Variants in TMC5 observed in about 807,000 individuals in gnomAD.
TMC5 encodes transmembrane channel like 5.
TMC5 carries 86 observed loss-of-function variants against 110.5 expected under a neutral mutation model. The observed-to-expected ratio is 0.78, with a 90% confidence interval of 0.65 to 0.93. The LOEUF (loss-of-function observed/expected upper bound fraction) is 0.93, where lower values mean the gene tolerates loss of function less well. TMC5 is among the 40% of genes least tolerant of loss of function. The probability of loss-of-function intolerance (pLI) is 0.00; values close to 1 mark genes in which losing one functional copy is unlikely to be tolerated. For synonymous variants in TMC5, 455 were observed against 439.5 expected, an observed-to-expected ratio of 1.04 and a Z score of -0.44; for missense variants, 1,144 against 1,222.8, an observed-to-expected ratio of 0.94 and a Z score of 0.96.
intron 10 of TMC5, among the ~76,000 whole-genome samples, chr16:19,470,413 C>T (rs1399022193): frequency 6.6e-6 from 1 of 152,020 alleles, no homozygotes; most frequent in Non-Finnish European, 1.5e-5. Flanking sequence ...TCTCAAACTC[C>T]TAGCCTCAAG....
At chr16:19,412,374 CT>C (rs972592290) in intron 1 of TMC5, among the ~76,000 whole-genome samples, 47 of 128,250 alleles carry the variant, frequency 3.7e-4, no homozygotes, top group Middle Eastern at 6.4e-3. Context: ...GCCCGACTTT[CT>C]TTTTTTTTTT....
intron 6 of TMC5, among the ~76,000 whole-genome samples, chr16:19,461,893 C>G (rs1431997332): frequency 1.3e-5 from 2 of 152,024 alleles, no homozygotes; most frequent in Non-Finnish European, 2.9e-5. Flanking sequence ...TAAATCAGGC[C>G]AAGTCAAAAT....
intron 1 of TMC5, among the ~76,000 whole-genome samples, chr16:19,426,398 A>C (rs762488658): frequency 6.6e-6 from 1 of 152,134 alleles, no homozygotes; most frequent in Non-Finnish European, 1.5e-5. Context: ...GGAGCATTAA[A>C]CTTTATCATT....
At chr16:19,445,286 C>T (rs1967589459) in intron 4 of TMC5, among the ~76,000 whole-genome samples, 1 of 151,054 alleles carries the variant, frequency 6.6e-6, no homozygotes, top group Non-Finnish European at 1.5e-5. Flanking sequence ...AAGACAGTGT[C>T]CTGCTCTGTC....
At position 19,456,854 on chromosome 16, in the gene TMC5, A is replaced by G. The variant is rs150425212; in HGVS notation, c.1049-3381A>G. ...CAACATGGTTTTGTCAATATCTGACATTGATGTGATAGACTCTCAGACAGT... is the reference window on the plus strand; with the variant it reads ...CAACATGGTTTTGTCAATATCTGACGTTGATGTGATAGACTCTCAGACAGT... On this transcript the variant is annotated intron_variant, in intron 5 of 21. Transcript: ENST00000542583. 49 of 1,614,210 alleles carry G rather than the reference A, an allele frequency of 3.0e-5. No individual in the cohort carries two copies. In the African/African-American group the frequency reaches 6.5e-4, roughly 22 times the overall value.
At chr16:19,450,027 C>A (rs972747232) in intron 5 of TMC5, among the ~76,000 whole-genome samples, 1 of 152,180 alleles carries the variant, frequency 6.6e-6, no homozygotes, top group Admixed American at 6.5e-5. Context: ...AGGACAGTGA[C>A]CAAAAAGTCA....
At chr16:19,427,310 G>A (rs8045527) in intron 1 of TMC5, among the ~76,000 whole-genome samples, 3,785 of 152,120 alleles carry the variant, frequency 0.025, 144 homozygotes, top group African/African-American at 0.085. Context: ...TTAATAGTTG[G>A]GCACAGTAGC....
rs927735620 is a variant in TMC5, at chr16:19,497,904, C to G, written c.2975-16C>G. The G allele has an allele frequency of 1.4e-5, 22 of 1,613,394 alleles. No individual in the cohort carries two copies. Among genetic ancestry groups the G allele is most frequent in the Admixed American group, 5.0e-5 (3 of 59,898 alleles). Reference sequence around the variant, plus strand: ...AGTGTGCCTGCGTTAACTTCTCTTTCCTGTGTCAAACCTAGACTTGCGATC... The same window carrying G: ...AGTGTGCCTGCGTTAACTTCTCTTTGCTGTGTCAAACCTAGACTTGCGATC... On this transcript the variant is annotated splice_polypyrimidine_tract_variant and intron_variant, in intron 21 of 21. Transcript: ENST00000542583.
At chr16:19,426,532 T>C (rs533179102) in intron 1 of TMC5, among the ~76,000 whole-genome samples, 1 of 152,224 alleles carries the variant, frequency 6.6e-6, no homozygotes, top group Admixed American at 6.5e-5. Flanking sequence ...AGGAGCCCAC[T>C]CCTAGTAGAT....
In TMC5 at chr16:19,490,334, T is replaced by C. The variant is rs1184636819; in HGVS notation, c.2574-61T>C. ...CCAGAGCCCAGAAGGGACACCCTGATTCTAGAATAACCATCCCTGAGTCTT... is the reference window on the plus strand; with the variant it reads ...CCAGAGCCCAGAAGGGACACCCTGACTCTAGAATAACCATCCCTGAGTCTT... On this transcript the variant is annotated intron_variant, in intron 17 of 21. Transcript: ENST00000542583. The C allele has an allele frequency of 5.1e-6, 8 of 1,554,856 alleles. No homozygotes were observed. The African/African-American group carries it at 1.1e-4, about 21-fold the overall frequency.
At chr16:19,460,142 C>T in intron 5 of TMC5, 93 bp from the exon 6 acceptor site, 1 of 873,894 alleles carries the variant, frequency 1.1e-6, no homozygotes, top group Middle Eastern at 2.3e-4. Flanking sequence ...AACTTCTTCC[C>T]TTGTGTTACG....
At chr16:19,441,287 CTTTG>C (rs998406027) in intron 3 of TMC5, among the ~76,000 whole-genome samples, 12 of 132,282 alleles carry the variant, frequency 9.1e-5, no homozygotes, top group African/African-American at 4.1e-4. Context: ...TGCACCACTT[CTTTG>C]TTTTTTTTTT....
At chr16:19,431,239 G>T (rs1032221904) in intron 2 of TMC5, among the ~76,000 whole-genome samples, 1 of 152,006 alleles carries the variant, frequency 6.6e-6, no homozygotes, top group African/African-American at 2.4e-5. Context: ...AGTTCACCCC[G>T]TTAGAAGATA....
chr16:19,427,350 G>A (rs1371199525), intron 1 of TMC5, among the ~76,000 whole-genome samples: 1 of 152,156 alleles, frequency 6.6e-6, no homozygotes, highest in Non-Finnish European at 1.5e-5. Flanking sequence ...TACTCAAGAG[G>A]CTGAGACGCA....
At chr16:19,431,332 G>A (rs1164403099) in intron 2 of TMC5, among the ~76,000 whole-genome samples, 1 of 152,012 alleles carries the variant, frequency 6.6e-6, no homozygotes, top group African/African-American at 2.4e-5. Context: ...CCTGAGGTCA[G>A]GACTTCGGTA....
chr16:19,439,822 A>G (rs1169895266), intron 2 of TMC5, 138 bp from the exon 3 acceptor site: 5 of 532,008 alleles, frequency 9.4e-6, no homozygotes, highest in Non-Finnish European at 1.7e-5. Context: ...AAGAGAATCT[A>G]GAAACATAGT....
At chr16:19,442,459 G>C (rs1967511579) in intron 3 of TMC5, among the ~76,000 whole-genome samples, 1 of 151,808 alleles carries the variant, frequency 6.6e-6, no homozygotes, top group African/African-American at 2.4e-5. Context: ...CTCCCAAGTA[G>C]CTGGGATTAC....
At chr16:19,465,095 TCCTTCCTTCCTTCCTTCCTCCCTCCCTC>T (rs879362155) in intron 8 of TMC5, among the ~76,000 whole-genome samples, 2,710 of 101,474 alleles carry the variant, frequency 0.027, 65 homozygotes, top group Non-Finnish European at 0.034. Flanking sequence ...CTTCCTTCCT[TCCTTCCTTCCTTCCTTCCTCCCTCCCTC>T]CCTCCCTCCC....
At position 19,469,833 on chromosome 16, in the gene TMC5, G is replaced by A. The variant is rs1188996077; in HGVS notation, c.1782+8G>A. On this transcript the variant is annotated splice_region_variant and intron_variant, in intron 10 of 21. Coordinates refer to ENST00000542583, the MANE Select transcript of TMC5 (RefSeq NM_001261841.2). ...CTTAGCACTGAGATAAGGGTAAGGC[G>A]AGCTCACTTTACTCATTTGCCATCG... 8 of 1,613,430 alleles carry A rather than the reference G, an allele frequency of 5.0e-6. No individual in the cohort carries two copies. The African/African-American group carries it at 9.3e-5, about 19-fold the overall frequency.
Sources: allele counts gnomAD v4.1 joint callset (sites outside exome capture counted in the v4.1 genomes callset), GRCh38; gene constraint gnomAD v4.1.1; transcripts MANE v1.5; gene names NCBI Gene and HGNC (gene_info 2026-07-23, HGNC 2026-07-21).